GRB10: variants seen among roughly 807,000 people sequenced by gnomAD.
The protein encoded by GRB10 is growth factor receptor bound protein 10.
Under a neutral mutation model 80.9 loss-of-function variants are expected in GRB10, and 20 were observed. The observed-to-expected ratio is 0.25, with a 90% CI of 0.17 to 0.36. GRB10 has a LOEUF of 0.36. GRB10 is among the 10% of genes least tolerant of loss of function. The probability of loss-of-function intolerance (pLI) is 1.00; values close to 1 mark genes in which losing one functional copy is unlikely to be tolerated. For missense variants in GRB10, 548 were observed against 747.7 expected, an observed-to-expected ratio of 0.73 and a Z score of 3.12; for synonymous variants, 291 against 291.5, an observed-to-expected ratio of 1.00 and a Z score of 0.02.
chr7:50,724,183 C>T (rs2068215940), intron 4 of GRB10, among the ~76,000 whole-genome samples: 1 of 152,204 alleles, frequency 6.6e-6, no homozygotes, highest in African/African-American at 2.4e-5. Context: ...CAAACTGGAG[C>T]TGCCAAGGAC....
intron 2 of GRB10, among the ~76,000 whole-genome samples, chr7:50,763,673 A>G (rs1211247826): frequency 2.0e-5 from 3 of 152,236 alleles, no homozygotes; most frequent in African/African-American, 7.2e-5. Flanking sequence ...TGCACAAGGC[A>G]GAAACAAGAG....
At chr7:50,718,946 C>T (rs2067296001) in intron 4 of GRB10, among the ~76,000 whole-genome samples, 1 of 152,016 alleles carries the variant, frequency 6.6e-6, no homozygotes, top group South Asian at 2.1e-4. Context: ...TCTTGGTCAC[C>T]CAAGCAGAAG....
intron 5 of GRB10, among the ~76,000 whole-genome samples, chr7:50,683,293 C>T (rs911107958): frequency 6.6e-6 from 1 of 152,078 alleles, no homozygotes; most frequent in Non-Finnish European, 1.5e-5. Flanking sequence ...ATGGTGGTGG[C>T]CAGGGGCTAG....
chr7:50,655,708 A>T (rs980897353), intron 7 of GRB10, among the ~76,000 whole-genome samples: 1 of 152,198 alleles, frequency 6.6e-6, no homozygotes. Context: ...CCTCTCTGCC[A>T]GAGACCTCCT....
chr7:50,749,993 G>A (rs2153700585), intron 3 of GRB10, among the ~76,000 whole-genome samples: 1 of 152,330 alleles, frequency 6.6e-6, no homozygotes, highest in Non-Finnish European at 1.5e-5. Context: ...AGGACAGACT[G>A]TAACAGCCTG....
At chr7:50,674,340 C>A in intron 6 of GRB10, 96 bp downstream of exon 6, 1 of 1,228,638 alleles carries the variant, frequency 8.1e-7, no homozygotes, top group Non-Finnish European at 1.2e-6. Flanking sequence ...AAGACCAACA[C>A]TATTCCCCCC....
At chr7:50,789,286 C>T (rs1398800357) in intron 1 of GRB10, among the ~76,000 whole-genome samples, 1 of 152,222 alleles carries the variant, frequency 6.6e-6, no homozygotes, top group East Asian at 1.9e-4. Context: ...AGCAGGATAT[C>T]AAGTCCACAA....
At chr7:50,728,415 C>T (rs766004478) in intron 4 of GRB10, among the ~76,000 whole-genome samples, 2 of 152,154 alleles carry the variant, frequency 1.3e-5, no homozygotes, top group Non-Finnish European at 2.9e-5. Flanking sequence ...GGGCACCCAA[C>T]AGAAAATCCA....
intron 4 of GRB10, among the ~76,000 whole-genome samples, chr7:50,715,598 C>A (rs2066729993): frequency 6.6e-6 from 1 of 152,118 alleles, no homozygotes; most frequent in South Asian, 2.1e-4. Flanking sequence ...GAGCAAATAA[C>A]TTCACTCTCT....
chr7:50,686,702 G>C (rs577715221), intron 5 of GRB10, among the ~76,000 whole-genome samples: 30 of 152,248 alleles, frequency 2.0e-4, no homozygotes, highest in South Asian at 1.0e-3. Context: ...CAAGGTACCA[G>C]ATACTATGCC....
chr7:50,605,606 G>GA (rs1200753029), intron 14 of GRB10, among the ~76,000 whole-genome samples, 200 bp from the exon 15 acceptor site: 4 of 152,102 alleles, frequency 2.6e-5, no homozygotes, highest in Non-Finnish European at 5.9e-5. Flanking sequence ...TCTTAAGAAC[G>GA]AAACACATTC....
Position 50,592,732 on chromosome 7 carries a change from T to C in GRB10, c.*220A>G, listed in dbSNP as rs573856771. On this transcript the variant is annotated 3_prime_UTR_variant, in exon 19 of 19. Transcript: ENST00000401949. The stretch of plus-strand genomic sequence containing the variant: ...GCTGGATCTTCCATGCCCTCCCCAA[T>C]TTGGCCGATGCAGAGGGAGGCGACC... 13 of 579,110 alleles carry C rather than the reference T, an allele frequency of 2.2e-5. No homozygotes were observed. Among genetic ancestry groups the C allele is most frequent in the Non-Finnish European group, 3.7e-5 (12 of 322,320 alleles). 35.9% of individuals were successfully genotyped at this position (579,110 alleles called of 1,614,324 possible).
intron 7 of GRB10, among the ~76,000 whole-genome samples, chr7:50,661,474 G>C (rs1309393321): frequency 6.6e-6 from 1 of 152,190 alleles, no homozygotes; most frequent in Non-Finnish European, 1.5e-5. Flanking sequence ...ATCTTTATTG[G>C]CTGAAGGAAA....
At chr7:50,597,759 A>G (rs2046921245) in intron 17 of GRB10, among the ~76,000 whole-genome samples, 1 of 152,264 alleles carries the variant, frequency 6.6e-6, no homozygotes, top group Admixed American at 6.5e-5. Context: ...GGAGAATGGC[A>G]TGGCTTAGGC....
chr7:50,754,657 A>G (rs1223559787), intron 3 of GRB10, among the ~76,000 whole-genome samples: 6 of 152,240 alleles, frequency 3.9e-5, no homozygotes, highest in African/African-American at 1.4e-4. Context: ...CAAAGCTAAC[A>G]TAAGGCAGAC....
chr7:50,770,369 CACAAGAGA>C (rs1335124018), intron 2 of GRB10, among the ~76,000 whole-genome samples: 1 of 152,190 alleles, frequency 6.6e-6, no homozygotes, highest in Non-Finnish European at 1.5e-5. Flanking sequence ...AAACAACAGA[CACAAGAGA>C]ACAAGCAGAG....
intron 7 of GRB10, among the ~76,000 whole-genome samples, chr7:50,655,861 GC>G (rs1300179898): frequency 6.6e-6 from 1 of 152,194 alleles, no homozygotes; most frequent in Non-Finnish European, 1.5e-5. Context: ...AACACTGTAT[GC>G]CTTCCAAGGC....
At chr7:50,616,561 T>C (rs139540271) in intron 10 of GRB10, among the ~76,000 whole-genome samples, 12 of 152,344 alleles carry the variant, frequency 7.9e-5, no homozygotes, top group Admixed American at 2.0e-4. Flanking sequence ...CAAATGGACC[T>C]TTCCAACACT....
chr7:50,629,639 G>A (rs1233731791), intron 7 of GRB10, among the ~76,000 whole-genome samples: 1 of 152,184 alleles, frequency 6.6e-6, no homozygotes, highest in Non-Finnish European at 1.5e-5. Flanking sequence ...AAACCACCCA[G>A]TCAACGCGTA....
Sources: gnomAD v4.1 joint callset for allele counts (sites outside exome capture counted in the v4.1 genomes callset) on GRCh38, gnomAD v4.1.1 for gene constraint, MANE v1.5 for transcripts, NCBI Gene and HGNC (gene_info 2026-07-23, HGNC 2026-07-21) for gene names.